TTC28: variants seen among roughly 807,000 people sequenced by gnomAD.
TTC28 encodes the protein tetratricopeptide repeat protein 28.
In TTC28, 61 loss-of-function variants were observed where a neutral mutation model predicts 198.0. The ratio of observed to expected loss-of-function variants is 0.31; its 90% CI spans 0.25 to 0.38. The LOEUF (loss-of-function observed/expected upper bound fraction) is 0.38, where lower values mean the gene tolerates loss of function less well. Ranked by LOEUF, TTC28 falls within the 10% of genes least tolerant of loss-of-function variation. The pLI is 1.00. For missense variants in TTC28, 2,678 were observed against 3,164.0 expected (o/e 0.85, Z 3.69); for synonymous variants, 1,171 against 1,297.8 (o/e 0.90, Z 2.10).
chr22:27,986,637 A>G (rs749250490), intron 21 of TTC28, among the ~76,000 whole-genome samples: 1 of 152,204 alleles, frequency 6.6e-6, no homozygotes, highest in African/African-American at 2.4e-5. Flanking sequence ...GGGGGCCCAT[A>G]GTACACGATG....
At chr22:28,468,008 C>A (rs566597468) in intron 2 of TTC28, among the ~76,000 whole-genome samples, 42 of 152,074 alleles carry the variant, frequency 2.8e-4, no homozygotes, top group Admixed American at 1.0e-3. Context: ...TGGGCTCAAG[C>A]GATCTGCCTG....
intron 2 of TTC28, among the ~76,000 whole-genome samples, chr22:28,406,108 G>C (rs1402447702): frequency 6.6e-6 from 1 of 152,172 alleles, no homozygotes; most frequent in Non-Finnish European, 1.5e-5. Context: ...ACTGCATCTT[G>C]TTCTTAGTAT....
chr22:28,614,465 A>G (rs576507729), intron 2 of TTC28, among the ~76,000 whole-genome samples: 42 of 152,344 alleles, frequency 2.8e-4, no homozygotes, highest in African/African-American at 9.4e-4. Context: ...ATATGGAACC[A>G]AAAAGAGCCC....
intron 2 of TTC28, among the ~76,000 whole-genome samples, chr22:28,390,208 T>C (rs909321695): frequency 6.6e-6 from 1 of 152,240 alleles, no homozygotes; most frequent in Middle Eastern, 3.4e-3. Context: ...GTCTGAGAGA[T>C]AGTTTGTTAT....
intron 14 of TTC28, among the ~76,000 whole-genome samples, chr22:28,012,468 G>T (rs1182136919): frequency 6.6e-6 from 1 of 152,174 alleles, no homozygotes; most frequent in Non-Finnish European, 1.5e-5. Context: ...GCCACTGCTC[G>T]CCAGGCACAC....
chr22:28,015,861 C>T (rs1324106351), intron 13 of TTC28, among the ~76,000 whole-genome samples: 2 of 151,754 alleles, frequency 1.3e-5, no homozygotes, highest in South Asian at 2.1e-4. Flanking sequence ...ACTCTGGCTA[C>T]TGGCAGTGAC....
intron 2 of TTC28, among the ~76,000 whole-genome samples, chr22:28,585,237 A>G (rs1359081634): frequency 6.6e-6 from 1 of 152,222 alleles, no homozygotes; most frequent in African/African-American, 2.4e-5. Flanking sequence ...ATTATTAAGA[A>G]GTTGTAATAT....
chr22:28,179,159 T>C (rs1031001524), intron 5 of TTC28, among the ~76,000 whole-genome samples: 1 of 147,574 alleles, frequency 6.8e-6, no homozygotes, highest in Non-Finnish European at 1.5e-5. Flanking sequence ...TTTGTTTTTT[T>C]GTTTTGTTTT....
At chr22:28,010,379 G>A (rs755072429) in intron 14 of TTC28, among the ~76,000 whole-genome samples, 15 of 152,176 alleles carry the variant, frequency 9.9e-5, no homozygotes, top group Admixed American at 2.6e-4. Flanking sequence ...TTTAAGTCAC[G>A]GGAAAGTCTG....
At chr22:28,386,278 A>AAAAAAAAAAAAAAC in intron 2 of TTC28, among the ~76,000 whole-genome samples, 1 of 27,212 alleles carries the variant, frequency 3.7e-5, no homozygotes, top group Non-Finnish European at 1.0e-4. Flanking sequence ...CCGTCTCAAA[A>AAAAAAAAAAAAAAC]AAAAAAAAAA....
At chr22:28,337,245 G>A (rs1262381203) in intron 2 of TTC28, among the ~76,000 whole-genome samples, 1 of 152,188 alleles carries the variant, frequency 6.6e-6, no homozygotes, top group Non-Finnish European at 1.5e-5. Flanking sequence ...TTGCTGAGGA[G>A]TGCTTTACTG....
intron 8 of TTC28, among the ~76,000 whole-genome samples, chr22:28,101,906 C>T (rs913034486): frequency 6.7e-6 from 1 of 150,088 alleles, no homozygotes; most frequent in Non-Finnish European, 1.5e-5. Context: ...TTGGTAGCAA[C>T]ATTTCCAGGA....
At chr22:28,021,829 C>A (rs1938616323) in intron 13 of TTC28, among the ~76,000 whole-genome samples, 1 of 152,112 alleles carries the variant, frequency 6.6e-6, no homozygotes, top group Non-Finnish European at 1.5e-5. Context: ...CACCCCAGGG[C>A]ACATCTGGCC....
chr22:28,225,955 C>A (rs1039885690), intron 5 of TTC28, among the ~76,000 whole-genome samples: 4 of 152,214 alleles, frequency 2.6e-5, no homozygotes, highest in Admixed American at 2.6e-4. Context: ...CATGTTGTTA[C>A]ATGTATCAGT....
chr22:28,335,186 A>G (rs2045690161), intron 2 of TTC28, among the ~76,000 whole-genome samples: 1 of 152,076 alleles, frequency 6.6e-6, no homozygotes, highest in Non-Finnish European at 1.5e-5. Context: ...ATTATTTCTG[A>G]GGGCTCTTTT....
chr22:28,002,883 C>A (rs1483582672), intron 14 of TTC28, among the ~76,000 whole-genome samples: 1 of 152,084 alleles, frequency 6.6e-6, no homozygotes, highest in Non-Finnish European at 1.5e-5. Context: ...ACTCAGGAGG[C>A]TGAGGCAGGA....
chr22:28,154,321 A>ATTT (rs10537660), intron 6 of TTC28, among the ~76,000 whole-genome samples: 1 of 137,356 alleles, frequency 7.3e-6, no homozygotes. Flanking sequence ...AAAGATGGCC[A>ATTT]TTTTTTTTTT....
intron 6 of TTC28, among the ~76,000 whole-genome samples, chr22:28,139,271 T>C (rs1366957717): frequency 6.6e-6 from 1 of 152,160 alleles, no homozygotes; most frequent in East Asian, 1.9e-4. Flanking sequence ...TAATGCATTA[T>C]AATACATGAA....
At chr22:28,068,467 T>C (rs902821979) in intron 12 of TTC28, among the ~76,000 whole-genome samples, 4 of 152,254 alleles carry the variant, frequency 2.6e-5, no homozygotes, top group Admixed American at 2.0e-4. Context: ...TTAGAGCTGA[T>C]ACTTCATTCC....
Sources: gnomAD v4.1 joint callset for allele counts (sites outside exome capture counted in the v4.1 genomes callset) on GRCh38, gnomAD v4.1.1 for gene constraint, MANE v1.5 for transcripts, NCBI Gene and HGNC (gene_info 2026-07-23, HGNC 2026-07-21) for gene names.